The following LUC7L3 variants were observed in gnomAD, a reference collection of about 807,000 sequenced individuals.
LUC7L3 encodes luc7-like protein 3.
In LUC7L3, 6 loss-of-function variants were observed where a neutral mutation model predicts 66.8. The observed-to-expected ratio is 0.09, with a 90% CI of 0.05 to 0.18. The LOEUF (loss-of-function observed/expected upper bound fraction) is 0.18, where lower values mean the gene tolerates loss of function less well. LUC7L3 is among the 10% of genes least tolerant of loss of function. The pLI is 1.00. For missense variants in LUC7L3, 341 were observed against 531.1 expected (o/e 0.64, Z 3.52); for synonymous variants, 160 against 174.7 (o/e 0.92, Z 0.66).
chr17:50,736,681 T>G (rs113097931), intron 1 of LUC7L3: 1 of 339,800 alleles, frequency 2.9e-6, no homozygotes, highest in Non-Finnish European at 5.3e-6. Context: ...TTTTGGGATG[T>G]CTTTCCCATA....
intron 1 of LUC7L3, among the ~76,000 whole-genome samples, chr17:50,733,647 C>T (rs142139541): frequency 0.052 from 7,870 of 152,010 alleles, 305 homozygotes; most frequent in Non-Finnish European, 0.067. Flanking sequence ...GTGATCCGCA[C>T]GCCTCAGCCT....
In LUC7L3 at chr17:50,754,252, T is replaced by G. The variant is rs1971069725; in HGVS notation, c.*3591T>G. 6.6e-6 allele frequency: 1 copy of G among 152,128 alleles called. No homozygotes were observed. The highest frequency in any genetic ancestry group is 2.4e-5 in the African/African-American group (1 of 41,432). The allele number at this position is 152,128 out of a possible 1,614,324, so 9.4% of individuals were successfully genotyped here. A position where few individuals can be genotyped will look rare whatever the true frequency, so the allele number is the denominator to read the frequency against. On this transcript the variant is annotated 3_prime_UTR_variant, in exon 10 of 10. Transcript: ENST00000505658. ...AGTTGGTCTTAAAAAAAAAAAAACT[T>G]TATTTTGGAAATTTAAAGACATACA...
intron 9 of LUC7L3, among the ~76,000 whole-genome samples, chr17:50,750,051 T>G (rs1350039522): frequency 6.6e-6 from 1 of 152,228 alleles, no homozygotes; most frequent in African/African-American, 2.4e-5. Flanking sequence ...TTGAAAAATA[T>G]GTAGTTGTAG....
At chr17:50,741,806 C>A in intron 5 of LUC7L3, 75 bp downstream of exon 5, 1 of 1,143,650 alleles carries the variant, frequency 8.7e-7, no homozygotes, top group East Asian at 2.4e-5. Flanking sequence ...AAGGATGGGC[C>A]AGGCATGGTA....
Position 50,751,473 on chromosome 17 carries a change from A to G in LUC7L3, c.*812A>G. 2.5e-6 allele frequency: 3 copies of G among 1,221,160 alleles called. No individual in the cohort carries two copies. The highest frequency in any genetic ancestry group is 2.8e-5 in the South Asian group (2 of 70,316). The allele number at this position is 1,221,160 out of a possible 1,614,324, so 75.6% of individuals were successfully genotyped here. ...CTTTTTTGTTCTTTACAAGAAGTGC[A>G]GAGGGGTTTTTTGTGTATTGCGTGA... On this transcript the variant is annotated 3_prime_UTR_variant, in exon 10 of 10. Transcript: ENST00000505658.
chr17:50,751,908 G>A lies in LUC7L3; in HGVS notation c.*1247G>A, dbSNP rs1970990301. 1 of 1,027,092 alleles carries A rather than the reference G, an allele frequency of 9.7e-7. No homozygotes were observed. The highest frequency in any genetic ancestry group is 1.7e-5 in the African/African-American group (1 of 57,562). The allele number at this position is 1,027,092 out of a possible 1,614,324, so 63.6% of individuals were successfully genotyped here. A position where few individuals can be genotyped will look rare whatever the true frequency, so the allele number is the denominator to read the frequency against. ...ACTTCATTCTGTGGGCTAGTGGTGT[G>A]GGACAAAATATTCCTAATGAAAGGA... On this transcript the variant is annotated 3_prime_UTR_variant, in exon 10 of 10. Coordinates refer to ENST00000505658, the MANE Select transcript of LUC7L3 (RefSeq NM_016424.5).
intron 2 of LUC7L3, chr17:50,737,440 C>G (rs569341554): frequency 2.4e-6 from 1 of 416,040 alleles, no homozygotes; most frequent in South Asian, 1.8e-5. Context: ...AGTGTTTGAT[C>G]AGCAGAACCC....
chr17:50,735,931 G>A lies in LUC7L3; in HGVS notation c.100-1029G>A, dbSNP rs891643243. ...GCAAATCACTTGAGGTCAGGAGTTCGAGACCAGCCTGACCAACATGGTGAA... is the reference window on the plus strand; with the variant it reads ...GCAAATCACTTGAGGTCAGGAGTTCAAGACCAGCCTGACCAACATGGTGAA... On this transcript the variant is annotated intron_variant, in intron 1 of 9. Coordinates refer to ENST00000505658, the MANE Select transcript of LUC7L3 (RefSeq NM_016424.5). Among the ~76,000 whole-genome samples, 5 of 152,300 alleles carry A rather than the reference G, an allele frequency of 3.3e-5. No homozygotes were observed. The South Asian group carries it at 6.2e-4, about 19-fold the overall frequency.
In LUC7L3 at chr17:50,740,296, T is replaced by G; in HGVS notation, c.167-10T>G. The G allele has an allele frequency of 6.3e-7, 1 of 1,591,412 alleles. No individual in the cohort carries two copies. The highest frequency in any genetic ancestry group is 1.2e-5 in the South Asian group (1 of 86,670). On this transcript the variant is annotated splice_polypyrimidine_tract_variant and intron_variant, in intron 2 of 9. Transcript: ENST00000505658. ...ACAGATAATTTATACAATTATATTT[T>G]TTCCCCCAGGTCCGTGTGAAAAAAT...
chr17:50,743,951 C>T (rs540646521), intron 6 of LUC7L3, 141 bp downstream of exon 6: 23 of 636,360 alleles, frequency 3.6e-5, no homozygotes, highest in Non-Finnish European at 6.1e-5. Context: ...GTGGCATCTA[C>T]TAAGCTCTGC....
chr17:50,752,623 A>G lies in LUC7L3; in HGVS notation c.*1962A>G, dbSNP rs185274202. 2.0e-5 allele frequency: 3 copies of G among 153,066 alleles called. No individual in the cohort carries two copies. In the Admixed American group the frequency reaches 2.0e-4, roughly 10 times the overall value. 9.5% of individuals were successfully genotyped at this position (153,066 alleles called of 1,614,324 possible). Reference sequence around the variant, plus strand: ...TTGGATTTAGAAGTAAAAATAAAGTATCTCTGACTTTCTGTTACAAAGTTG... The same window carrying G: ...TTGGATTTAGAAGTAAAAATAAAGTGTCTCTGACTTTCTGTTACAAAGTTG... On this transcript the variant is annotated 3_prime_UTR_variant, in exon 10 of 10. Transcript: ENST00000505658.
At chr17:50,743,637 C>A in intron 5 of LUC7L3, 69 bp from the exon 6 acceptor site, 1 of 976,170 alleles carries the variant, frequency 1.0e-6, no homozygotes, top group South Asian at 1.5e-5. Context: ...ACTAATGAAC[C>A]ATGGGGAAAA....
intron 1 of LUC7L3, chr17:50,723,428 A>C (rs1296498366): frequency 6.6e-6 from 1 of 152,396 alleles, no homozygotes; most frequent in African/African-American, 2.4e-5. Context: ...AAATAGCTAA[A>C]GCTTCTGTCC....
intron 1 of LUC7L3, chr17:50,723,157 CAG>C (rs941694390): frequency 1.1e-4 from 16 of 152,294 alleles, no homozygotes; most frequent in East Asian, 3.9e-4. Context: ...TGTAGCAAGA[CAG>C]AAATTTTGTA....
At chr17:50,733,170 A>G (rs1380260584) in intron 1 of LUC7L3, among the ~76,000 whole-genome samples, 1 of 152,204 alleles carries the variant, frequency 6.6e-6, no homozygotes, top group Non-Finnish European at 1.5e-5. Context: ...AAACCCTAGA[A>G]TATATTACTG....
intron 9 of LUC7L3, among the ~76,000 whole-genome samples, chr17:50,747,006 A>G (rs183041786): frequency 3.1e-4 from 47 of 151,800 alleles, no homozygotes; most frequent in Non-Finnish European, 6.0e-4. Context: ...AGGATTTATT[A>G]TATTACCTTG....
intron 1 of LUC7L3, among the ~76,000 whole-genome samples, chr17:50,735,230 C>CAAAA (rs907051149): frequency 7.7e-5 from 5 of 64,992 alleles, no homozygotes; most frequent in Non-Finnish European, 9.8e-5. Context: ...AACTCTGTCT[C>CAAAA]AAAAAAAAAA....
chr17:50,732,945 G>A (rs1025286035), intron 1 of LUC7L3, among the ~76,000 whole-genome samples: 3 of 152,172 alleles, frequency 2.0e-5, no homozygotes, highest in Non-Finnish European at 4.4e-5. Context: ...TCATTGTGCT[G>A]TGTTGCAGTG....
chr17:50,750,522 A>G lies in LUC7L3; in HGVS notation c.1160A>G (p.Lys387Arg), dbSNP rs2143079641. The change falls in exon 10 of 10, where the codon AAA becomes AGA. Residue 387 changes from lysine (K) to arginine (R), a missense_variant. Lys to Arg is a conservative substitution (Grantham distance 26). Coordinates refer to ENST00000505658, the MANE Select transcript of LUC7L3 (RefSeq NM_016424.5). ...GCAGAAAAGAGGGGATCTGATGATA[A>G]AAAAAGTAGTGTGAAGTCCGGTAGT... ...KEKEKRGSDD[K>R]KSSVKSGSRE... is the part of the protein sequence containing the mutation. 9 of 1,613,770 alleles carry G rather than the reference A, an allele frequency of 5.6e-6. No homozygotes were observed. Among genetic ancestry groups the G allele is most frequent in the Non-Finnish European group, 6.8e-6 (8 of 1,179,828 alleles).
Sources: gnomAD v4.1 joint callset for allele counts (sites outside exome capture counted in the v4.1 genomes callset) on GRCh38, gnomAD v4.1.1 for gene constraint, MANE v1.5 for transcripts, NCBI Gene and HGNC (gene_info 2026-07-23, HGNC 2026-07-21) for gene names.